MAN2A1: variants seen among roughly 807,000 people sequenced by gnomAD.
The protein encoded by MAN2A1 is alpha-mannosidase 2.
MAN2A1 carries 76 observed loss-of-function variants against 142.6 expected under a neutral mutation model. The observed-to-expected ratio is 0.53, with a 90% CI of 0.44 to 0.65. The LOEUF is 0.65. Ranked by LOEUF, MAN2A1 falls within the 30% of genes least tolerant of loss-of-function variation. The probability of loss-of-function intolerance (pLI) is 0.00; values close to 1 mark genes in which losing one functional copy is unlikely to be tolerated. For missense variants in MAN2A1, 1,311 were observed against 1,365.1 expected (o/e 0.96, Z 0.62); for synonymous variants, 559 against 473.2 (o/e 1.18, Z -2.35).
chr5:109,865,611 C>T (rs1320866707), intron 21 of MAN2A1, among the ~76,000 whole-genome samples: 3 of 152,188 alleles, frequency 2.0e-5, no homozygotes, highest in Admixed American at 6.5e-5. Context: ...ATAATCCACC[C>T]ACAGCCCAGG....
rs531639304 is a variant in MAN2A1 at position 109,750,950 on chromosome 5, A to T, written c.708-4379A>T. On this transcript the variant is annotated intron_variant, in intron 4 of 21. Transcript: ENST00000261483. ...TCAAGTCAGGGTTGGGGCGTCCATC[A>T]CCTTGAGTATCATTTCTAAGTGTTG... Among the ~76,000 whole-genome samples, 390 of 152,140 alleles carry T rather than the reference A, an allele frequency of 2.6e-3. 1 individual carries two copies. The highest frequency in any genetic ancestry group is 3.4e-3 in the Middle Eastern group (1 of 294).
intron 4 of MAN2A1, among the ~76,000 whole-genome samples, chr5:109,739,703 C>G (rs533122062): frequency 5.9e-5 from 9 of 152,270 alleles, no homozygotes; most frequent in Admixed American, 3.9e-4. Flanking sequence ...GAATCCCTTT[C>G]TTTTCTAACC....
At chr5:109,755,820 G>A (rs1752674117) in intron 5 of MAN2A1, among the ~76,000 whole-genome samples, 2 of 151,910 alleles carry the variant, frequency 1.3e-5, no homozygotes, top group South Asian at 4.1e-4. Flanking sequence ...GTCACTGAGT[G>A]TTCCAGAGAT....
At chr5:109,795,558 A>G (rs1184567438) in intron 12 of MAN2A1, among the ~76,000 whole-genome samples, 1 of 152,174 alleles carries the variant, frequency 6.6e-6, no homozygotes, top group African/African-American at 2.4e-5. Flanking sequence ...ACAATCTAAG[A>G]TGTCCACAAA....
At chr5:109,789,559 A>C in intron 12 of MAN2A1, 32 bp downstream of exon 12, 1 of 1,439,196 alleles carries the variant, frequency 6.9e-7, no homozygotes, top group Non-Finnish European at 9.4e-7. Flanking sequence ...AATGTTTACC[A>C]CTTTCTGGCT....
chr5:109,728,097 A>G (rs1002060596), intron 3 of MAN2A1, among the ~76,000 whole-genome samples: 1 of 152,204 alleles, frequency 6.6e-6, no homozygotes, highest in African/African-American at 2.4e-5. Flanking sequence ...TACGTGCCAC[A>G]TTGTAGGTGC....
intron 8 of MAN2A1, among the ~76,000 whole-genome samples, chr5:109,778,248 T>G (rs1485191354): frequency 6.6e-6 from 1 of 152,046 alleles, no homozygotes; most frequent in Non-Finnish European, 1.5e-5. Context: ...TCCAGTAACT[T>G]TGTTAAATTT....
rs140143502 is a variant in MAN2A1 at position 109,767,042 on chromosome 5, T to G, written c.836-493T>G. 6.7e-3 allele frequency among the ~76,000 whole-genome samples: 1,017 copies of G among 152,278 alleles called. 14 individuals carry two copies. The highest frequency in any genetic ancestry group is 0.023 in the African/African-American group (952 of 41,572). ...CCTGTTCTGCCACTGTATCATAAGA[T>G]GATTTGGGGCTTTTGTAATGTGTAA... On this transcript the variant is annotated intron_variant, in intron 5 of 21. Transcript: ENST00000261483.
rs571688613 is a variant in MAN2A1, at chr5:109,729,611, A to G, written c.707+98A>G. 11 of 646,160 alleles carry G rather than the reference A, an allele frequency of 1.7e-5. No individual in the cohort carries two copies. In the East Asian group the frequency reaches 2.5e-4, roughly 15 times the overall value. The allele number at this position is 646,160 out of a possible 1,614,324, so 40.0% of individuals were successfully genotyped here. ...TTAGATGGTGAAAATTCTTAGCTTTATATTTGAAACTTAAAATATTTCTTC... is the reference window on the plus strand; with the variant it reads ...TTAGATGGTGAAAATTCTTAGCTTTGTATTTGAAACTTAAAATATTTCTTC... On this transcript the variant is annotated intron_variant, in intron 4 of 21. Coordinates refer to ENST00000261483, the MANE Select transcript of MAN2A1 (RefSeq NM_002372.4).
chr5:109,847,908 A>C, intron 19 of MAN2A1, 118 bp downstream of exon 19: 1 of 664,988 alleles, frequency 1.5e-6, no homozygotes, highest in Admixed American at 4.0e-5. Context: ...AGATTTCTTT[A>C]TAGTAGATGT....
chr5:109,863,948 G>A (rs1254507714), intron 20 of MAN2A1: 1 of 152,156 alleles, frequency 6.6e-6, no homozygotes, highest in Non-Finnish European at 1.5e-5. Context: ...TCATAACATA[G>A]GTTATTCCAG....
intron 4 of MAN2A1, among the ~76,000 whole-genome samples, chr5:109,731,117 G>A (rs986108449): frequency 4.0e-5 from 6 of 151,702 alleles, no homozygotes; most frequent in South Asian, 4.2e-4. Flanking sequence ...ATGTTTATGG[G>A]GTACATCTGG....
intron 16 of MAN2A1, among the ~76,000 whole-genome samples, chr5:109,829,160 A>T (rs1754837767): frequency 6.6e-6 from 1 of 152,226 alleles, no homozygotes. Flanking sequence ...GGGTCCTGGA[A>T]ATTTAACCAT....
intron 5 of MAN2A1, among the ~76,000 whole-genome samples, chr5:109,766,296 G>A (rs1320513320): frequency 6.6e-6 from 1 of 152,150 alleles, no homozygotes; most frequent in Non-Finnish European, 1.5e-5. Context: ...CTTCAGAATT[G>A]TTAAATCCGT....
chr5:109,721,393 A>G (rs910255689), intron 3 of MAN2A1, among the ~76,000 whole-genome samples: 1 of 152,214 alleles, frequency 6.6e-6, no homozygotes, highest in East Asian at 1.9e-4. Context: ...AAACAAAAAT[A>G]TAGAATGCTC....
At chr5:109,831,256 GTGT>G (rs1754898752) in intron 16 of MAN2A1, among the ~76,000 whole-genome samples, 1 of 152,218 alleles carries the variant, frequency 6.6e-6, no homozygotes, top group Admixed American at 6.5e-5. Context: ...CCCATAGTGA[GTGT>G]TGTATCTACT....
chr5:109,713,998 C>T lies in MAN2A1; in HGVS notation c.390+224C>T, dbSNP rs34120805. Among the ~76,000 whole-genome samples, 1,002 of 152,042 alleles carry T rather than the reference C, an allele frequency of 6.6e-3. 9 individuals are homozygous for T. Among genetic ancestry groups the T allele is most frequent in the Admixed American group, 0.026 (403 of 15,282 alleles). On this transcript the variant is annotated intron_variant, in intron 2 of 21. Coordinates refer to ENST00000261483, the MANE Select transcript of MAN2A1 (RefSeq NM_002372.4). ...AGTTTATCTTACTATTTTATACTTA[C>T]GTGAATACAGTCTTTTTGTATGCTT... is the stretch of plus-strand genomic sequence containing the variant.
intron 1 of MAN2A1, among the ~76,000 whole-genome samples, chr5:109,701,068 G>T (rs1443213743): frequency 6.6e-6 from 1 of 152,210 alleles, no homozygotes; most frequent in African/African-American, 2.4e-5. Flanking sequence ...AATGGACAGA[G>T]ATTTGTAGCA....
At chr5:109,707,270 TTTTC>T (rs1751160581) in intron 1 of MAN2A1, among the ~76,000 whole-genome samples, 1 of 152,226 alleles carries the variant, frequency 6.6e-6, no homozygotes, top group Non-Finnish European at 1.5e-5. Context: ...TTCTTTTGGA[TTTTC>T]TTTCTTCAAA....
Sources: gnomAD v4.1 joint callset for allele counts (sites outside exome capture counted in the v4.1 genomes callset) on GRCh38, gnomAD v4.1.1 for gene constraint, MANE v1.5 for transcripts, NCBI Gene and HGNC (gene_info 2026-07-23, HGNC 2026-07-21) for gene names.